Variants in DCAF10 observed in about 807,000 individuals in gnomAD.
DCAF10 encodes DDB1- and CUL4-associated factor 10.
In DCAF10, 19 loss-of-function variants were observed where a neutral mutation model predicts 51.9. That is an observed-to-expected ratio of 0.37 (90% CI 0.26 to 0.54). The LOEUF is 0.54. Among genes scored for constraint, DCAF10 ranks in the 20% least tolerant of loss-of-function variants. DCAF10 has a pLI of 0.87. For synonymous variants in DCAF10, 291 were observed against 297.1 expected (o/e 0.98, Z 0.21); for missense variants, 510 against 730.6 (o/e 0.70, Z 3.48).
intron 2 of DCAF10, chr9:37,836,449 A>G: frequency 7.2e-7 from 1 of 1,388,630 alleles, no homozygotes; most frequent in Non-Finnish European, 1.0e-6. Flanking sequence ...GGTGGGCCAG[A>G]TGAGTATGTT....
chr9:37,855,009 G>T (rs775763000), intron 4 of DCAF10, 27 bp downstream of exon 4: 21 of 1,565,862 alleles, frequency 1.3e-5, no homozygotes, highest in Non-Finnish European at 1.7e-5. Flanking sequence ...TGGTCAAAAA[G>T]ATTTTTCTCG....
chr9:37,840,238 T>C (rs35342504), intron 2 of DCAF10, among the ~76,000 whole-genome samples: 1 of 152,322 alleles, frequency 6.6e-6, no homozygotes. Flanking sequence ...CTTATTATTG[T>C]TATTTTAGAA....
chr9:37,861,140 T>C lies in DCAF10; in HGVS notation c.1312T>C (p.Cys438Arg). 2 of 1,596,816 alleles carry C rather than the reference T, an allele frequency of 1.3e-6. No homozygotes were observed. Among genetic ancestry groups the C allele is most frequent in the Non-Finnish European group, 1.7e-6 (2 of 1,165,788 alleles). Residue 438 changes from cysteine (C) to arginine (R), a missense_variant and splice_region_variant, in exon 7 of 7, where the codon TGT becomes CGT. Cys to Arg is a radical substitution (Grantham distance 180, BLOSUM62 -3). This residue lies in a region of DCAF10 where 104 missense variants were observed against 206.2 expected (regional missense o/e 0.50). Transcript: ENST00000377724. This position sits in a 1 kb window ranked among gnomAD's most constrained non-coding sequence, Gnocchi z 4.9. The part of the protein sequence containing the change: ...RCSSNSDDEE[C>R]TCVYEFQEGA... ...GTTTGTCTCCCTTCTCTCCCCCTAGTGTACTTGTGTCTATGAATTCCAAGA... is the reference window on the plus strand; with the variant it reads ...GTTTGTCTCCCTTCTCTCCCCCTAGCGTACTTGTGTCTATGAATTCCAAGA...
intron 2 of DCAF10, among the ~76,000 whole-genome samples, chr9:37,821,104 TAC>T (rs1554686348): frequency 2.2e-4 from 29 of 132,380 alleles, no homozygotes; most frequent in African/African-American, 6.7e-4. Context: ...TATATATATA[TAC>T]ACACACACAC....
intron 3 of DCAF10, among the ~76,000 whole-genome samples, chr9:37,850,823 ATTT>A (rs779412631): frequency 1.7e-4 from 10 of 60,582 alleles, no homozygotes; most frequent in Admixed American, 4.3e-4. Context: ...GTGAGGATAT[ATTT>A]TATATATATA....
chr9:37,812,003 A>G (rs949233547), intron 1 of DCAF10, among the ~76,000 whole-genome samples: 2 of 152,082 alleles, frequency 1.3e-5, no homozygotes, highest in African/African-American at 4.8e-5. Context: ...CCCGGCCAAC[A>G]TGGCAAAACC....
At chr9:37,802,830 C>T in intron 1 of DCAF10, among the ~76,000 whole-genome samples, 1 of 152,168 alleles carries the variant, frequency 6.6e-6, no homozygotes, top group Non-Finnish European at 1.5e-5. Context: ...CAGCCTCCTT[C>T]CTTCAGCCAA....
At chr9:37,830,759 A>T (rs568381266) in intron 2 of DCAF10, among the ~76,000 whole-genome samples, 57 of 152,340 alleles carry the variant, frequency 3.7e-4, no homozygotes, top group South Asian at 8.3e-4. Context: ...TTTACTCAAA[A>T]CAACCTTTGG....
intron 3 of DCAF10, among the ~76,000 whole-genome samples, chr9:37,844,511 C>T (rs1365355153): frequency 6.6e-6 from 1 of 152,062 alleles, no homozygotes; most frequent in African/African-American, 2.4e-5. Flanking sequence ...ATTAGCCAGG[C>T]GTGGTGGCTG....
chr9:37,806,236 G>C (rs1829110262), intron 1 of DCAF10, among the ~76,000 whole-genome samples: 1 of 152,188 alleles, frequency 6.6e-6, no homozygotes, highest in Non-Finnish European at 1.5e-5. Flanking sequence ...CATAGTGGTT[G>C]AACAGTTACT....
At chr9:37,840,898 ATACT>A (rs77552137) in intron 2 of DCAF10, among the ~76,000 whole-genome samples, 2,572 of 152,278 alleles carry the variant, frequency 0.017, 40 homozygotes, top group Middle Eastern at 0.031. Context: ...CAATATACAA[ATACT>A]TACGATTGTG....
At chr9:37,840,720 C>T (rs1353350609) in intron 2 of DCAF10, among the ~76,000 whole-genome samples, 4 of 152,068 alleles carry the variant, frequency 2.6e-5, no homozygotes, top group Admixed American at 6.5e-5. Context: ...ATAATGTCTA[C>T]AGTAATGGAC....
intron 2 of DCAF10, among the ~76,000 whole-genome samples, chr9:37,830,181 C>T (rs545798891): frequency 6.6e-6 from 1 of 152,192 alleles, no homozygotes; most frequent in East Asian, 1.9e-4. Flanking sequence ...TACTATACAT[C>T]AGTTAAGATA....
At chr9:37,840,900 A>T (rs900756960) in intron 2 of DCAF10, among the ~76,000 whole-genome samples, 1 of 147,136 alleles carries the variant, frequency 6.8e-6, no homozygotes, top group Non-Finnish European at 1.5e-5. Flanking sequence ...ATATACAAAT[A>T]CTTACGATTG....
chr9:37,826,982 C>T (rs994071296), intron 2 of DCAF10, among the ~76,000 whole-genome samples: 2 of 151,902 alleles, frequency 1.3e-5, no homozygotes, highest in African/African-American at 2.4e-5. Context: ...TGTGCCACCA[C>T]GCCTGGCTAA....
At chr9:37,836,133 A>G (rs1830159319) in intron 2 of DCAF10, 1 of 1,358,092 alleles carries the variant, frequency 7.4e-7, no homozygotes, top group African/African-American at 1.4e-5. Flanking sequence ...ACCTCCAAGG[A>G]AAATAGAGCG....
intron 1 of DCAF10, among the ~76,000 whole-genome samples, chr9:37,808,687 ATATATATT>A (rs1406954918): frequency 2.3e-4 from 2 of 8,848 alleles, no homozygotes; most frequent in Non-Finnish European, 4.9e-4. Context: ...TAAAATATAA[ATATATATT>A]TATATATTTA....
At chr9:37,823,208 A>G (rs963840800) in intron 2 of DCAF10, among the ~76,000 whole-genome samples, 3 of 152,200 alleles carry the variant, frequency 2.0e-5, no homozygotes, top group Non-Finnish European at 4.4e-5. Flanking sequence ...TTTTGAAGAT[A>G]ACAATGGCTG....
intron 3 of DCAF10, among the ~76,000 whole-genome samples, chr9:37,848,508 C>T (rs1830539315): frequency 6.6e-6 from 1 of 152,106 alleles, no homozygotes; most frequent in South Asian, 2.1e-4. Context: ...TATGAAATAT[C>T]TAGAATAGGT....
Sources: allele counts gnomAD v4.1 joint callset (sites outside exome capture counted in the v4.1 genomes callset), GRCh38; gene constraint gnomAD v4.1.1; regional missense constraint gnomAD v4.1.1; non-coding constraint Gnocchi (gnomAD v3.1); transcripts MANE v1.5; gene names NCBI Gene and HGNC (gene_info 2026-07-23, HGNC 2026-07-21).